STXBP5L: variants seen among roughly 807,000 people sequenced by gnomAD.
STXBP5L encodes syntaxin binding protein 5L.
In STXBP5L, 65 loss-of-function variants were observed where a neutral mutation model predicts 144.5. The observed-to-expected ratio is 0.45, with a 90% CI of 0.37 to 0.55. The LOEUF is 0.55. Among genes scored for constraint, STXBP5L ranks in the 20% least tolerant of loss-of-function variants. The pLI, the probability that STXBP5L is intolerant of heterozygous loss-of-function variation, is 0.00. For missense variants in STXBP5L, 1,298 were observed against 1,405.5 expected, an observed-to-expected ratio of 0.92 and a Z score of 1.22; for synonymous variants, 505 against 469.6, an observed-to-expected ratio of 1.08 and a Z score of -0.97.
intron 5 of STXBP5L, among the ~76,000 whole-genome samples, chr3:121,107,823 A>ATTGATGCT (rs2043787744): frequency 6.6e-6 from 1 of 152,132 alleles, no homozygotes; most frequent in Non-Finnish European, 1.5e-5. Context: ...TTTTCACAAT[A>ATTGATGCT]TTGATGCTTC....
intron 7 of STXBP5L, among the ~76,000 whole-genome samples, chr3:121,148,583 G>C (rs547052972): frequency 6.6e-6 from 1 of 152,140 alleles, no homozygotes; most frequent in South Asian, 2.1e-4. Flanking sequence ...AGATGGCTAT[G>C]ATTTATTCCT....
intron 3 of STXBP5L, among the ~76,000 whole-genome samples, chr3:121,015,982 T>A (rs2108171584): frequency 6.6e-6 from 1 of 152,294 alleles, no homozygotes; most frequent in South Asian, 2.1e-4. Context: ...CTTCATATAA[T>A]AACAAGTGCA....
intron 22 of STXBP5L, among the ~76,000 whole-genome samples, chr3:121,389,221 G>A (rs1479020865): frequency 1.3e-5 from 2 of 152,148 alleles, no homozygotes; most frequent in African/African-American, 2.4e-5. Context: ...GTATTTCTGT[G>A]GGATGAGTGG....
At chr3:121,005,826 G>A (rs183508800) in intron 3 of STXBP5L, among the ~76,000 whole-genome samples, 168 of 152,250 alleles carry the variant, frequency 1.1e-3, no homozygotes, top group Admixed American at 3.2e-3. Context: ...AGTCATTCAG[G>A]AGCAGGTTGT....
At chr3:121,086,379 G>A (rs544564460) in intron 5 of STXBP5L, among the ~76,000 whole-genome samples, 3 of 152,118 alleles carry the variant, frequency 2.0e-5, no homozygotes, top group South Asian at 2.1e-4. Context: ...TATAAAAGAG[G>A]ATAATGAAGC....
At chr3:121,363,269 C>T (rs2045767752) in intron 20 of STXBP5L, among the ~76,000 whole-genome samples, 3 of 152,132 alleles carry the variant, frequency 2.0e-5, no homozygotes, top group African/African-American at 7.2e-5. Context: ...TGTTTGCCCC[C>T]GACTCTGCCC....
At chr3:121,373,988 C>T (rs1485584951) in intron 20 of STXBP5L, among the ~76,000 whole-genome samples, 1 of 152,222 alleles carries the variant, frequency 6.6e-6, no homozygotes, top group Non-Finnish European at 1.5e-5. Flanking sequence ...GACCAGCCTA[C>T]TCAGGGCCCA....
chr3:121,259,933 A>T (rs1322677318), intron 18 of STXBP5L, among the ~76,000 whole-genome samples: 1 of 152,062 alleles, frequency 6.6e-6, no homozygotes, highest in Non-Finnish European at 1.5e-5. Context: ...TCAGAACAAC[A>T]TAATTCAAGC....
intron 9 of STXBP5L, among the ~76,000 whole-genome samples, chr3:121,198,194 G>C (rs56190943): frequency 6.6e-6 from 1 of 152,070 alleles, no homozygotes; most frequent in African/African-American, 2.4e-5. Flanking sequence ...TCTAACTGGC[G>C]TGAGATGGTA....
At chr3:121,026,003 TTA>T (rs1049974752) in intron 3 of STXBP5L, among the ~76,000 whole-genome samples, 4 of 144,382 alleles carry the variant, frequency 2.8e-5, no homozygotes, top group African/African-American at 9.9e-5. Context: ...TATCAATATA[TTA>T]TATATAAATA....
At chr3:121,208,873 T>A (rs2048442836) in intron 10 of STXBP5L, among the ~76,000 whole-genome samples, 1 of 152,164 alleles carries the variant, frequency 6.6e-6, no homozygotes, top group Non-Finnish European at 1.5e-5. Flanking sequence ...ACCCATCATC[T>A]ACATTAGGTA....
chr3:121,018,102 T>TGAATGAAC (rs145229317), intron 3 of STXBP5L, among the ~76,000 whole-genome samples: 7 of 151,982 alleles, frequency 4.6e-5, no homozygotes, highest in African/African-American at 1.2e-4. Flanking sequence ...AATGAATGAA[T>TGAATGAAC]GAAGAGATAT....
chr3:121,023,653 T>C (rs1256651000), intron 3 of STXBP5L, among the ~76,000 whole-genome samples: 1 of 152,124 alleles, frequency 6.6e-6, no homozygotes, highest in East Asian at 1.9e-4. Context: ...TAACAAATGG[T>C]GCTGGGATAA....
At chr3:121,294,427 G>A (rs1344337115) in intron 19 of STXBP5L, among the ~76,000 whole-genome samples, 1 of 152,162 alleles carries the variant, frequency 6.6e-6, no homozygotes, top group Non-Finnish European at 1.5e-5. Flanking sequence ...AAAGAGTTCA[G>A]TTTTAGACAC....
chr3:121,127,470 C>T (rs1186595272), intron 7 of STXBP5L, among the ~76,000 whole-genome samples: 1 of 151,958 alleles, frequency 6.6e-6, no homozygotes, highest in African/African-American at 2.4e-5. Context: ...TTAGGTGGCT[C>T]CTGATGTTCC....
chr3:120,974,356 G>C (rs1396627775), intron 3 of STXBP5L, among the ~76,000 whole-genome samples: 1 of 151,956 alleles, frequency 6.6e-6, no homozygotes, highest in African/African-American at 2.4e-5. Flanking sequence ...AGAAGTGTCT[G>C]TTCATGTCCT....
intron 11 of STXBP5L, among the ~76,000 whole-genome samples, chr3:121,228,488 A>G (rs2049193361): frequency 6.6e-6 from 1 of 152,248 alleles, no homozygotes; most frequent in South Asian, 2.1e-4. Flanking sequence ...AAGAAATGTG[A>G]CAGAAATAGA....
chr3:121,347,856 G>T (rs1461285310), intron 20 of STXBP5L, among the ~76,000 whole-genome samples: 2 of 152,200 alleles, frequency 1.3e-5, no homozygotes, highest in Admixed American at 1.3e-4. Context: ...GGAGATTTTG[G>T]GTTGAGACGA....
At chr3:121,078,908 G>A (rs1024131970) in intron 5 of STXBP5L, among the ~76,000 whole-genome samples, 21 of 152,184 alleles carry the variant, frequency 1.4e-4, no homozygotes, top group Admixed American at 2.0e-4. Context: ...ATTGCCACGC[G>A]CAGCCCCAGT....
Sources: gnomAD v4.1 joint callset for allele counts (sites outside exome capture counted in the v4.1 genomes callset) on GRCh38, gnomAD v4.1.1 for gene constraint, MANE v1.5 for transcripts, NCBI Gene and HGNC (gene_info 2026-07-23, HGNC 2026-07-21) for gene names.